ANXA8: variants seen among roughly 807,000 people sequenced by gnomAD.
ANXA8 encodes the protein VAC-beta.
In ANXA8, 9 loss-of-function variants were observed where a neutral mutation model predicts 26.8. That is an observed-to-expected ratio of 0.34 (90% CI 0.20 to 0.59). ANXA8 has a LOEUF of 0.59. Among genes scored for constraint, ANXA8 ranks in the 20% least tolerant of loss-of-function variants. The pLI, the probability that ANXA8 is intolerant of heterozygous loss-of-function variation, is 0.84. For synonymous variants in ANXA8, 39 were observed against 94.8 expected, an observed-to-expected ratio of 0.41 and a Z score of 3.42; for missense variants, 83 against 238.5, an observed-to-expected ratio of 0.35 and a Z score of 4.29.
At chr10:47,519,288 TG>T in the ANXA8 span, among the ~76,000 whole-genome samples, 1 of 119,874 alleles carries the variant, frequency 8.3e-6, no homozygotes, top group Non-Finnish European at 1.7e-5. Flanking sequence ...GCTAACATGG[TG>T]AAACCCTGTC....
At chr10:47,694,538 G>C in the ANXA8 span, among the ~76,000 whole-genome samples, 1 of 149,326 alleles carries the variant, frequency 6.7e-6, no homozygotes. Context: ...CTCCTGCCTC[G>C]GCCTCCCAAG....
At chr10:47,686,164 C>T in the ANXA8 span, among the ~76,000 whole-genome samples, 1 of 151,404 alleles carries the variant, frequency 6.6e-6, no homozygotes, top group Non-Finnish European at 1.5e-5. Flanking sequence ...TTGAACTGCC[C>T]CAGGCTTCTC....
At chr10:47,492,941 T>A in the ANXA8 span, among the ~76,000 whole-genome samples, 1 of 151,004 alleles carries the variant, frequency 6.6e-6, no homozygotes, top group African/African-American at 2.5e-5. Context: ...GGGGCCTGAT[T>A]AGTTTACTGG....
At chr10:47,674,822 T>C in the ANXA8 span, among the ~76,000 whole-genome samples, 1 of 151,842 alleles carries the variant, frequency 6.6e-6, no homozygotes, top group Non-Finnish European at 1.5e-5. Flanking sequence ...TTCAAGTTGT[T>C]CCAGCTTTGG....
chr10:47,970,462 A>G, the ANXA8 span: 1 of 151,000 alleles, frequency 6.6e-6, no homozygotes, highest in African/African-American at 2.4e-5. Flanking sequence ...CACCTCCCCT[A>G]CATTCTTTTA....
the ANXA8 span, among the ~76,000 whole-genome samples, chr10:47,593,429 C>T: frequency 4.7e-5 from 7 of 149,856 alleles, no homozygotes; most frequent in Non-Finnish European, 1.0e-4. Flanking sequence ...AACAATAGCT[C>T]TTCCCATAGG....
the ANXA8 span, among the ~76,000 whole-genome samples, chr10:47,928,748 C>CTTT: frequency 2.0e-4 from 19 of 96,054 alleles, no homozygotes; most frequent in African/African-American, 7.5e-4. Context: ...TTCTCTCTCT[C>CTTT]TCTTTTTTTT....
the ANXA8 span, among the ~76,000 whole-genome samples, chr10:47,722,489 T>TTGTA: frequency 7.2e-6 from 1 of 139,054 alleles, no homozygotes; most frequent in African/African-American, 2.6e-5. Flanking sequence ...TCTCAAGAGG[T>TTGTA]TGTAATCAAG....
At chr10:47,491,722 A>G in the ANXA8 span, 18 of 1,544,710 alleles carry the variant, frequency 1.2e-5, no homozygotes, top group Non-Finnish European at 1.6e-5. Flanking sequence ...GACTGGCCCA[A>G]CATGCTTTTA....
At chr10:47,925,673 G>T in the ANXA8 span, among the ~76,000 whole-genome samples, 2 of 119,882 alleles carry the variant, frequency 1.7e-5, no homozygotes, top group East Asian at 2.3e-4. Flanking sequence ...CCAAATCCAT[G>T]TTTTATCAGG....
chr10:47,651,110 G>T, the ANXA8 span, among the ~76,000 whole-genome samples: 3 of 151,334 alleles, frequency 2.0e-5, no homozygotes, highest in African/African-American at 7.3e-5. Flanking sequence ...GAGGTGGGAG[G>T]ATCTGCTTGA....
the ANXA8 span, among the ~76,000 whole-genome samples, chr10:47,693,303 T>C: frequency 3.4e-4 from 52 of 151,320 alleles, no homozygotes. Flanking sequence ...TTTTTTTTTT[T>C]TTTTGAGACG....
the ANXA8 span, among the ~76,000 whole-genome samples, chr10:47,651,655 A>G: frequency 6.7e-6 from 1 of 150,278 alleles, no homozygotes; most frequent in African/African-American, 2.5e-5. Context: ...AGCGCTTTGG[A>G]AGGCCGAGGC....
At chr10:47,622,051 A>G in the ANXA8 span, among the ~76,000 whole-genome samples, 1 of 111,828 alleles carries the variant, frequency 8.9e-6, no homozygotes, top group Non-Finnish European at 1.9e-5. Flanking sequence ...TCTGAAAAAA[A>G]TCTTGCTGCA....
At chr10:47,957,702 C>T in the ANXA8 span, among the ~76,000 whole-genome samples, 77 of 149,096 alleles carry the variant, frequency 5.2e-4, 5 homozygotes, top group African/African-American at 1.7e-3. Flanking sequence ...GCTGTGCTCC[C>T]TACTTAGGCT....
At chr10:47,559,665 G>T in the ANXA8 span, among the ~76,000 whole-genome samples, 13 of 151,744 alleles carry the variant, frequency 8.6e-5, 1 homozygote, top group East Asian at 3.9e-4. Context: ...AGTTTAGGTA[G>T]CCCAGTACTC....
chr10:47,501,044 C>T, the ANXA8 span, among the ~76,000 whole-genome samples: 2 of 144,612 alleles, frequency 1.4e-5, no homozygotes, highest in African/African-American at 5.2e-5. Context: ...CAGGTGCCCG[C>T]CACCACACCT....
At chr10:47,666,825 A>G in the ANXA8 span, among the ~76,000 whole-genome samples, 2 of 151,982 alleles carry the variant, frequency 1.3e-5, no homozygotes, top group Non-Finnish European at 2.9e-5. Context: ...TCTCATAGGT[A>G]ACCATCCTCA....
the ANXA8 span, chr10:47,762,938 CGGGCGCCAG>C: frequency 6.6e-3 from 8,919 of 1,346,340 alleles, 102 homozygotes; most frequent in African/African-American, 0.027. Flanking sequence ...GGGCGGGTCC[CGGGCGCCAG>C]GGGCGCCAGG....
Sources: gnomAD v4.1 joint callset for allele counts (sites outside exome capture counted in the v4.1 genomes callset) on GRCh38, gnomAD v4.1.1 for gene constraint, MANE v1.5 for transcripts, NCBI Gene and HGNC (gene_info 2026-07-23, HGNC 2026-07-21) for gene names.